POLR3E: variants seen among roughly 807,000 people sequenced by gnomAD.
POLR3E encodes DNA-directed RNA polymerase III subunit RPC5.
Under a neutral mutation model 96.6 loss-of-function variants are expected in POLR3E, and 41 were observed. The ratio of observed to expected loss-of-function variants is 0.42; its 90% confidence interval spans 0.33 to 0.55. The LOEUF is 0.55. Ranked by LOEUF, POLR3E falls within the 20% of genes least tolerant of loss-of-function variation. The probability of loss-of-function intolerance (pLI) is 0.06; values close to 1 mark genes in which losing one functional copy is unlikely to be tolerated. For synonymous variants in POLR3E, 396 were observed against 383.6 expected, an observed-to-expected ratio of 1.03 and a Z score of -0.38; for missense variants, 849 against 952.1, an observed-to-expected ratio of 0.89 and a Z score of 1.43.
intron 8 of POLR3E, 147 bp from the exon 9 acceptor site, chr16:22,314,942 A>T: frequency 1.3e-6 from 1 of 767,066 alleles, no homozygotes; most frequent in Non-Finnish European, 2.0e-6. Flanking sequence ...CACGGTTGGA[A>T]CGGAATTTAA....
rs8055349 is a variant in POLR3E at position 22,322,763 on chromosome 16, A to G, written c.987-87A>G. 78,503 of 897,484 alleles carry G rather than the reference A, an allele frequency of 0.087. 12,168 individuals carry two copies. Among genetic ancestry groups the G allele is most frequent in the African/African-American group, 0.57 (34,562 of 60,784 alleles). The allele number at this position is 897,484 out of a possible 1,614,324, so 55.6% of individuals were successfully genotyped here. A position where few individuals can be genotyped will look rare whatever the true frequency, so the allele number is the denominator to read the frequency against. On this transcript the variant is annotated intron_variant, in intron 13 of 20. Coordinates refer to ENST00000299853, the MANE Select transcript of POLR3E (RefSeq NM_018119.4). The surrounding 1 kb of genome is among the most constrained non-coding windows in gnomAD (Gnocchi z 5.2). Reference sequence around the variant, plus strand: ...CTGTACCCAGCCCACGGTGGAAAGAAGCATGGACTGGGGCTTGGCCGGGAG... The same window carrying G: ...CTGTACCCAGCCCACGGTGGAAAGAGGCATGGACTGGGGCTTGGCCGGGAG...
At chr16:22,328,364 A>T (rs1001261783) in intron 18 of POLR3E, 146 bp from the exon 19 acceptor site, 8 of 683,948 alleles carry the variant, frequency 1.2e-5, no homozygotes, top group Non-Finnish European at 1.8e-5. Context: ...TGGCTGCCCA[A>T]GGCCCTCAGA....
chr16:22,306,778 A>G (rs982845037), intron 3 of POLR3E, among the ~76,000 whole-genome samples: 1 of 152,194 alleles, frequency 6.6e-6, no homozygotes, highest in Non-Finnish European at 1.5e-5. Flanking sequence ...TAGCTTTTTG[A>G]GGCACTGCTG....
chr16:22,324,276 C>A, intron 14 of POLR3E, 78 bp from the exon 15 acceptor site: 1 of 1,184,458 alleles, frequency 8.4e-7, no homozygotes, highest in Non-Finnish European at 1.3e-6. Flanking sequence ...AGCTCCCAGG[C>A]CTGCCAGGTG....
At chr16:22,317,665 GTTTT>G (rs757872526) in intron 12 of POLR3E, among the ~76,000 whole-genome samples, 1 of 140,800 alleles carries the variant, frequency 7.1e-6, no homozygotes, top group African/African-American at 2.7e-5. Flanking sequence ...TGTTGTTGTT[GTTTT>G]TTTTTTTAAG....
In POLR3E at chr16:22,309,521, C is replaced by T. The variant is rs2048201856; in HGVS notation, c.364+11C>T. 3.1e-6 allele frequency: 5 copies of T among 1,593,412 alleles called. No individual in the cohort carries two copies. In the African/African-American group the frequency reaches 6.7e-5, roughly 21 times the overall value. On this transcript the variant is annotated intron_variant, in intron 6 of 20. Coordinates refer to ENST00000299853, the MANE Select transcript of POLR3E (RefSeq NM_018119.4). ...CACTCTACAGGCAAGGTACCCGGGG[C>T]TGGGTGTCCCGCGGTGGGGACATGG... is the stretch of plus-strand genomic sequence containing the variant.
At chr16:22,309,782 T>A in intron 6 of POLR3E, 1 of 524,196 alleles carries the variant, frequency 1.9e-6, no homozygotes, top group Non-Finnish European at 3.4e-6. Flanking sequence ...TACAAGTAGC[T>A]AACATAAGTT....
intron 14 of POLR3E, 83 bp from the exon 15 acceptor site, chr16:22,324,271 C>G (rs2048530644): frequency 8.8e-7 from 1 of 1,136,484 alleles, no homozygotes; most frequent in Admixed American, 1.7e-5. Context: ...GCTCCAGCTC[C>G]CAGGCCTGCC....
chr16:22,330,269 G>A (rs547436777), intron 19 of POLR3E, among the ~76,000 whole-genome samples: 15 of 149,914 alleles, frequency 1.0e-4, no homozygotes, highest in South Asian at 8.5e-4. Flanking sequence ...GGTAGGGGTC[G>A]GGGGGTGGTC....
rs1360500269 is a variant in POLR3E at position 22,305,182 on chromosome 16, G to A, written c.63G>A (p.Leu21=). The A allele has an allele frequency of 1.2e-6, 2 of 1,613,098 alleles. No homozygotes were observed. Among genetic ancestry groups the A allele is most frequent in the Admixed American group, 1.7e-5 (1 of 59,978 alleles). Residue 21 remains leucine (L), a synonymous_variant, in exon 3 of 21, where the codon CTG becomes CTA. Coordinates refer to ENST00000299853, the MANE Select transcript of POLR3E (RefSeq NM_018119.4). Reference sequence around the variant, plus strand: ...TCGATGTGTACTTGGCCAAGAGTCTGGCGGAAAAGCTGTATCTATTTCAGG... The same window carrying A: ...TCGATGTGTACTTGGCCAAGAGTCTAGCGGAAAAGCTGTATCTATTTCAGG... ...QEIDVYLAKS[L]AEKLYLFQYP...
In POLR3E at chr16:22,325,280, T is replaced by A. The variant is rs1482948531; in HGVS notation, c.1348+14T>A. ...ATGCACAATCAGGTGTGTGAGGGGC[T>A]TTGGGCTGGGAGGCCCCGGCTCCTA... On this transcript the variant is annotated intron_variant, in intron 17 of 20. Transcript: ENST00000299853. The A allele has an allele frequency of 6.2e-7, 1 of 1,608,844 alleles. No homozygotes were observed.
intron 1 of POLR3E, among the ~76,000 whole-genome samples, chr16:22,302,216 A>G (rs1029141080): frequency 2.6e-5 from 4 of 151,280 alleles, no homozygotes; most frequent in Admixed American, 2.6e-4. Flanking sequence ...CCGCCTCTCA[A>G]CTCCCCTACC....
chr16:22,325,267 G>A lies in POLR3E; in HGVS notation c.1348+1G>A. The A allele has an allele frequency of 1.2e-6, 2 of 1,612,530 alleles. No homozygotes were observed. The highest frequency in any genetic ancestry group is 1.7e-6 in the Non-Finnish European group (2 of 1,178,510). The stretch of plus-strand genomic sequence containing the variant: ...CCAAAGAAGCCGGATGCACAATCAG[G>A]TGTGTGAGGGGCTTTGGGCTGGGAG... On this transcript the variant is annotated splice_donor_variant, in intron 17 of 20. Transcript: ENST00000299853. LOFTEE classifies it high-confidence loss of function.
intron 14 of POLR3E, among the ~76,000 whole-genome samples, 192 bp downstream of exon 14, chr16:22,323,123 TC>T (rs1045389058): frequency 4.6e-5 from 7 of 150,718 alleles, no homozygotes; most frequent in African/African-American, 1.7e-4. Flanking sequence ...ACCTTCCAGT[TC>T]CTCTAGCGCA....
Position 22,310,878 on chromosome 16 carries a change from C to T in POLR3E, c.364+1368C>T, listed in dbSNP as rs572597500. Among the ~76,000 whole-genome samples the T allele has an allele frequency of 1.6e-4, 24 of 152,010 alleles. No individual in the cohort carries two copies. In the South Asian group the frequency reaches 4.0e-3, roughly 25 times the overall value. On this transcript the variant is annotated intron_variant, in intron 6 of 20. Coordinates refer to ENST00000299853, the MANE Select transcript of POLR3E (RefSeq NM_018119.4). ...CGGAGGTTGCAGTAAGCTGAGATTCCGCCATTGCACTCCAGCCTGGGCAAT... is the reference window on the plus strand; with the variant it reads ...CGGAGGTTGCAGTAAGCTGAGATTCTGCCATTGCACTCCAGCCTGGGCAAT...
Position 22,322,911 on chromosome 16 carries a change from T to G in POLR3E, c.1048T>G (p.Cys350Gly). ...PHSGVPAEVL[C>G]RGRDFVMWKF... is the part of the protein sequence containing the mutation. ...CAGCGGCGTGCCTGCTGAGGTGCTC[T>G]GCAGGGGCCGAGACTTCGTTGTAAG... The change falls in exon 14 of 21, where the codon TGC becomes GGC. Residue 350 changes from cysteine to glycine, a missense_variant. Coordinates refer to ENST00000299853, the MANE Select transcript of POLR3E (RefSeq NM_018119.4). This position sits in a 1 kb window ranked among gnomAD's most constrained non-coding sequence, Gnocchi z 5.2. 1.9e-6 allele frequency: 3 copies of G among 1,612,328 alleles called. No homozygotes were observed. The highest frequency in any genetic ancestry group is 2.5e-6 in the Non-Finnish European group (3 of 1,178,894).
chr16:22,316,966 G>T (rs1220332681), intron 10 of POLR3E, 29 bp from the exon 11 acceptor site: 1 of 1,613,244 alleles, frequency 6.2e-7, no homozygotes, highest in Middle Eastern at 1.7e-4. Context: ...GATCAGCCCT[G>T]AGCCTCTGCC....
intron 3 of POLR3E, among the ~76,000 whole-genome samples, chr16:22,306,787 T>C (rs1321376657): frequency 6.6e-6 from 1 of 152,264 alleles, no homozygotes; most frequent in Non-Finnish European, 1.5e-5. Context: ...GAGGCACTGC[T>C]GGGCTGCTCT....
chr16:22,313,565 G>T lies in POLR3E; in HGVS notation c.365-55G>T. 8.2e-7 allele frequency: 1 copy of T among 1,226,630 alleles called. No individual in the cohort carries two copies. The highest frequency in any genetic ancestry group is 1.2e-6 in the Non-Finnish European group (1 of 831,978). 76.0% of individuals were successfully genotyped at this position (1,226,630 alleles called of 1,614,324 possible). A position where few individuals can be genotyped will look rare whatever the true frequency, so the allele number is the denominator to read the frequency against. On this transcript the variant is annotated intron_variant, in intron 6 of 20. Coordinates refer to ENST00000299853, the MANE Select transcript of POLR3E (RefSeq NM_018119.4). The surrounding 1 kb of genome is among the most constrained non-coding windows in gnomAD (Gnocchi z 4.1). ...CTTCACGGGACTTGGTGACTCTCTT[G>T]AGCCAAACTGGGTGGGTTTCTAGAG...
Sources: allele counts gnomAD v4.1 joint callset (sites outside exome capture counted in the v4.1 genomes callset), GRCh38; gene constraint gnomAD v4.1.1; non-coding constraint Gnocchi (gnomAD v3.1); transcripts MANE v1.5; gene names NCBI Gene and HGNC (gene_info 2026-07-23, HGNC 2026-07-21).